Variants in NEDD4L observed in about 807,000 individuals in gnomAD.
NEDD4L encodes the protein NEDD4 like E3 ubiquitin protein ligase.
In NEDD4L, 54 loss-of-function variants were observed where a neutral mutation model predicts 148.9. That is an observed-to-expected ratio of 0.36 (90% CI 0.29 to 0.45). The LOEUF is 0.45. Among genes scored for constraint, NEDD4L ranks in the 20% least tolerant of loss-of-function variants. The probability of loss-of-function intolerance (pLI) is 1.00; values close to 1 mark genes in which losing one functional copy is unlikely to be tolerated. For synonymous variants in NEDD4L, 433 were observed against 440.7 expected (o/e 0.98, Z 0.22); for missense variants, 856 against 1,233.8 (o/e 0.69, Z 4.59).
intron 5 of NEDD4L, among the ~76,000 whole-genome samples, chr18:58,286,423 A>C (rs2053916275): frequency 1.3e-5 from 2 of 152,236 alleles, no homozygotes; most frequent in South Asian, 4.1e-4. Context: ...AAAATACTTT[A>C]TTGAAACTGC....
intron 1 of NEDD4L, among the ~76,000 whole-genome samples, chr18:58,049,385 T>C (rs1468998043): frequency 6.6e-6 from 1 of 152,234 alleles, no homozygotes; most frequent in Admixed American, 6.5e-5. Flanking sequence ...TGGGAAACCC[T>C]ATGTGCCATC....
At chr18:58,276,491 G>A (rs1488118437) in intron 5 of NEDD4L, among the ~76,000 whole-genome samples, 2 of 152,056 alleles carry the variant, frequency 1.3e-5, no homozygotes, top group Non-Finnish European at 2.9e-5. Context: ...TTACAGGCGT[G>A]AGCCACCGTG....
At chr18:58,327,695 T>C (rs2059424306) in intron 9 of NEDD4L, among the ~76,000 whole-genome samples, 2 of 152,222 alleles carry the variant, frequency 1.3e-5, no homozygotes, top group South Asian at 4.1e-4. Flanking sequence ...AAATTTGTGT[T>C]TTAGAAAGAG....
intron 1 of NEDD4L, among the ~76,000 whole-genome samples, chr18:58,156,750 T>G (rs1832859789): frequency 1.3e-5 from 2 of 152,188 alleles, no homozygotes; most frequent in African/African-American, 4.8e-5. Flanking sequence ...ACGACTCATC[T>G]GCTCTCCTGC....
At chr18:58,129,375 T>G (rs943274994) in intron 1 of NEDD4L, among the ~76,000 whole-genome samples, 9 of 152,230 alleles carry the variant, frequency 5.9e-5, no homozygotes, top group Non-Finnish European at 1.3e-4. Context: ...ACAGATGTGT[T>G]CATGTCCTGG....
At chr18:58,096,036 C>G (rs574796626) in intron 1 of NEDD4L, among the ~76,000 whole-genome samples, 1 of 152,102 alleles carries the variant, frequency 6.6e-6, no homozygotes, top group South Asian at 2.1e-4. Flanking sequence ...ATTGGACACC[C>G]CTGATTTAGA....
chr18:58,151,017 T>G (rs2034660987), intron 1 of NEDD4L, among the ~76,000 whole-genome samples: 1 of 152,268 alleles, frequency 6.6e-6, no homozygotes, highest in Non-Finnish European at 1.5e-5. Flanking sequence ...GATTGGGATC[T>G]AACCTACTTT....
intron 5 of NEDD4L, among the ~76,000 whole-genome samples, chr18:58,307,324 G>A (rs2057188382): frequency 6.6e-6 from 1 of 152,196 alleles, no homozygotes. Context: ...TTGGTGGAGA[G>A]TTCCTGCTTT....
chr18:58,293,628 A>G (rs1179141297), intron 5 of NEDD4L, among the ~76,000 whole-genome samples: 4 of 152,224 alleles, frequency 2.6e-5, no homozygotes, highest in Non-Finnish European at 5.9e-5. Context: ...AACATAACCT[A>G]GTCTTTGCAA....
chr18:58,196,717 T>C (rs1340818289), intron 2 of NEDD4L, among the ~76,000 whole-genome samples: 5 of 141,234 alleles, frequency 3.5e-5, no homozygotes, highest in African/African-American at 1.5e-4. Flanking sequence ...TCTCTTTTTT[T>C]TTTTTTTTTT....
At chr18:58,368,021 G>C (rs910542188) in intron 22 of NEDD4L, among the ~76,000 whole-genome samples, 154 bp downstream of exon 22, 1 of 152,080 alleles carries the variant, frequency 6.6e-6, no homozygotes, top group Non-Finnish European at 1.5e-5. Context: ...CTTTTCTCTG[G>C]TAGCTTATTT....
At chr18:58,338,403 T>C (rs2042029121) in intron 13 of NEDD4L, among the ~76,000 whole-genome samples, 1 of 152,162 alleles carries the variant, frequency 6.6e-6, no homozygotes, top group African/African-American at 2.4e-5. Context: ...GAGTTACAAA[T>C]GGAATCATCA....
chr18:58,326,322 C>T (rs371557910), intron 9 of NEDD4L, among the ~76,000 whole-genome samples: 1 of 152,152 alleles, frequency 6.6e-6, no homozygotes, highest in Admixed American at 6.6e-5. Flanking sequence ...CTACCCAGCA[C>T]GGGCATTAGC....
intron 13 of NEDD4L, among the ~76,000 whole-genome samples, chr18:58,337,172 C>T (rs1292520159): frequency 6.6e-6 from 1 of 152,136 alleles, no homozygotes; most frequent in African/African-American, 2.4e-5. Context: ...CTTGCCTGCA[C>T]TCTCCCCTCC....
At chr18:58,058,417 C>A (rs1168624562) in intron 1 of NEDD4L, among the ~76,000 whole-genome samples, 4 of 152,220 alleles carry the variant, frequency 2.6e-5, no homozygotes, top group African/African-American at 4.8e-5. Context: ...CCCTGTCTAG[C>A]CATGGAACTC....
At chr18:58,300,273 TA>T (rs1360278852) in intron 5 of NEDD4L, among the ~76,000 whole-genome samples, 1 of 152,216 alleles carries the variant, frequency 6.6e-6, no homozygotes, top group Non-Finnish European at 1.5e-5. Context: ...TATATGCTAA[TA>T]GTTGTTGATT....
At chr18:58,289,915 G>A (rs771593447) in intron 5 of NEDD4L, among the ~76,000 whole-genome samples, 18 of 152,160 alleles carry the variant, frequency 1.2e-4, no homozygotes, top group Non-Finnish European at 2.1e-4. Context: ...ACCATTGATA[G>A]TCATGATTTC....
intron 14 of NEDD4L, 124 bp from the exon 15 acceptor site, chr18:58,341,554 C>G (rs2042422980): frequency 9.9e-7 from 1 of 1,011,404 alleles, no homozygotes; most frequent in Non-Finnish European, 1.4e-6. Context: ...ATTATTTCCT[C>G]CACGCTTTAA....
chr18:58,136,345 T>A (rs2032846935), intron 1 of NEDD4L, among the ~76,000 whole-genome samples: 1 of 152,246 alleles, frequency 6.6e-6, no homozygotes, highest in Admixed American at 6.5e-5. Context: ...AAAGTGTTTT[T>A]AATTACAAAT....
Sources: allele counts gnomAD v4.1 joint callset (sites outside exome capture counted in the v4.1 genomes callset), GRCh38; gene constraint gnomAD v4.1.1; transcripts MANE v1.5; gene names NCBI Gene and HGNC (gene_info 2026-07-23, HGNC 2026-07-21).